Variants in ZNF680 observed in about 807,000 individuals in gnomAD.
ZNF680 encodes zinc finger protein 680.
Under a neutral mutation model 12.1 loss-of-function variants are expected in ZNF680, and 6 were observed. The observed-to-expected ratio is 0.49, with a 90% confidence interval of 0.27 to 0.98. ZNF680 has a LOEUF of 0.98. Among genes scored for constraint, ZNF680 ranks in the 50% least tolerant of loss-of-function variants. The probability of loss-of-function intolerance (pLI) is 0.12; values close to 1 mark genes in which losing one functional copy is unlikely to be tolerated. For synonymous variants in ZNF680, 170 were observed against 199.3 expected (o/e 0.85, Z 1.24); for missense variants, 561 against 616.3 (o/e 0.91, Z 0.95).
In ZNF680 at chr7:64,557,570, C is replaced by CA. The variant is rs71055243; in HGVS notation, c.30+5354dup. On this transcript the variant is annotated intron_variant, in intron 1 of 3. Coordinates refer to ENST00000309683, the MANE Select transcript of ZNF680 (RefSeq NM_178558.5). ...GGTCCGTCTCAAAAAAACAAAAAAA[C>CA]AAAAAAAAACAAAACAAAAAAAAAC... 7.4e-4 allele frequency among the ~76,000 whole-genome samples: 111 copies of CA among 150,894 alleles called. No individual in the cohort carries two copies. The East Asian group carries it at 0.02, about 27-fold the overall frequency.
downstream of ZNF680, among the ~76,000 whole-genome samples, chr7:64,516,177 T>C (rs1048823871): frequency 1.3e-5 from 2 of 152,216 alleles, no homozygotes; most frequent in African/African-American, 4.8e-5. Flanking sequence ...TTCTTTTGCT[T>C]ATTAAACTTT....
At chr7:64,544,519 A>G in intron 1 of ZNF680, 87 bp from the exon 2 acceptor site, 1 of 1,536,620 alleles carries the variant, frequency 6.5e-7, no homozygotes, top group Non-Finnish European at 8.8e-7. Flanking sequence ...TTTTGGCTCA[A>G]GGCAAAGTAA....
intron 3 of ZNF680, 39 bp from the exon 4 acceptor site, chr7:64,522,539 G>C (rs1791603485): frequency 7.5e-7 from 1 of 1,330,966 alleles, no homozygotes; most frequent in Non-Finnish European, 9.8e-7. Flanking sequence ...CCACTTCCTA[G>C]ACTCAGATGA....
Position 64,543,665 on chromosome 7 carries a change from T to G in ZNF680, c.253+42A>C, listed in dbSNP as rs1488039918. Reference sequence around the variant, plus strand: ...ACTTTCTCTTTGACATCTGGACCTCTCATCTGTGTCATCTGTTGTATTCAC... The same window carrying G: ...ACTTTCTCTTTGACATCTGGACCTCGCATCTGTGTCATCTGTTGTATTCAC... On this transcript the variant is annotated intron_variant, in intron 3 of 3. Coordinates refer to ENST00000309683, the MANE Select transcript of ZNF680 (RefSeq NM_178558.5). 3 of 1,511,258 alleles carry G rather than the reference T, an allele frequency of 2.0e-6. No individual in the cohort carries two copies. In the Admixed American group the frequency reaches 5.2e-5, roughly 26 times the overall value. The allele number at this position is 1,511,258 out of a possible 1,614,324, so 93.6% of individuals were successfully genotyped here.
Position 64,522,417 on chromosome 7 carries a change from C to T in ZNF680, c.337G>A (p.Gly113Arg). The T allele has an allele frequency of 6.2e-7, 1 of 1,610,794 alleles. No homozygotes were observed. The highest frequency in any genetic ancestry group is 8.5e-7 in the Non-Finnish European group (1 of 1,178,494). Residue 113 changes from glycine to arginine, a missense_variant, in exon 4 of 4, where the codon GGA becomes AGA. By Grantham distance (125) the Gly-to-Arg change is moderately radical. Transcript: ENST00000309683. ...TGTAAATTCTCATGTCCACATTTTC[C>T]ATATCCTCTCAGTATCACTTTTTGA... ...SFQKVILRGY[G>R]KCGHENLQLR... is the part of the protein sequence containing the mutation.
intron 3 of ZNF680, among the ~76,000 whole-genome samples, chr7:64,538,284 C>T (rs1043191678): frequency 2.0e-5 from 3 of 152,150 alleles, no homozygotes; most frequent in Non-Finnish European, 4.4e-5. Flanking sequence ...CTACACAGTA[C>T]TTCAAAATTT....
the ZNF680 span, among the ~76,000 whole-genome samples, chr7:64,506,195 T>G: frequency 2.0e-3 from 1 of 500 alleles, no homozygotes; most frequent in Admixed American, 0.024. Flanking sequence ...TCTTTTAGAT[T>G]TTTTTTTTTT....
chr7:64,506,943 T>C, the ZNF680 span, among the ~76,000 whole-genome samples: 2 of 152,224 alleles, frequency 1.3e-5, no homozygotes, highest in Non-Finnish European at 2.9e-5. Flanking sequence ...CAGTACTCAG[T>C]AGAAATTAGG....
At chr7:64,534,491 T>C (rs918753916) in intron 3 of ZNF680, among the ~76,000 whole-genome samples, 7 of 152,158 alleles carry the variant, frequency 4.6e-5, no homozygotes, top group Non-Finnish European at 1.0e-4. Context: ...AGAATGATCA[T>C]ATCAAAAAAT....
the ZNF680 span, chr7:64,501,623 T>G: frequency 1.3e-6 from 1 of 780,002 alleles, no homozygotes; most frequent in Non-Finnish European, 2.3e-6. Context: ...TGGATGATGA[T>G]GATAATGAAG....
chr7:64,525,950 A>C, intron 3 of ZNF680: 1 of 985,220 alleles, frequency 1.0e-6, no homozygotes, highest in Non-Finnish European at 1.2e-6. Flanking sequence ...GGTAGTAGAC[A>C]TATGGCTGAT....
intron 1 of ZNF680, among the ~76,000 whole-genome samples, chr7:64,558,957 G>A (rs773727516): frequency 1.3e-5 from 2 of 151,988 alleles, no homozygotes; most frequent in African/African-American, 4.8e-5. Context: ...AAAAAAGGCC[G>A]GGTGGGGGAA....
At chr7:64,526,146 C>T in intron 3 of ZNF680, 1 of 916,542 alleles carries the variant, frequency 1.1e-6, no homozygotes. Context: ...ACTTATTGGA[C>T]ACCATCAAGT....
downstream of ZNF680, among the ~76,000 whole-genome samples, chr7:64,515,401 C>CA (rs1791330804): frequency 6.6e-6 from 1 of 151,784 alleles, no homozygotes; most frequent in South Asian, 2.1e-4. Flanking sequence ...AAAAGCAGTC[C>CA]AAAAAAATCC....
chr7:64,546,989 G>A (rs554233605), intron 1 of ZNF680, among the ~76,000 whole-genome samples: 7 of 151,574 alleles, frequency 4.6e-5, no homozygotes, highest in East Asian at 3.9e-4. Flanking sequence ...AAAACAATAC[G>A]GATGCTTCCA....
At chr7:64,527,613 T>C (rs1293695153) in intron 3 of ZNF680, among the ~76,000 whole-genome samples, 1 of 151,690 alleles carries the variant, frequency 6.6e-6, no homozygotes, top group African/African-American at 2.4e-5. Flanking sequence ...GAGAATCACT[T>C]GAACCCGGGA....
chr7:64,499,214 C>T, the ZNF680 span, among the ~76,000 whole-genome samples: 1 of 152,056 alleles, frequency 6.6e-6, no homozygotes, highest in Non-Finnish European at 1.5e-5. Flanking sequence ...ATTTACTGTA[C>T]TATATTCAGA....
At chr7:64,501,665 A>G in the ZNF680 span, 44 of 1,014,876 alleles carry the variant, frequency 4.3e-5, no homozygotes, top group Non-Finnish European at 6.7e-5. Context: ...TTGACCAAGG[A>G]TGAAAAAGAG....
intron 1 of ZNF680, among the ~76,000 whole-genome samples, chr7:64,552,724 C>CT (rs1253372604): frequency 6.6e-6 from 1 of 152,176 alleles, no homozygotes; most frequent in Non-Finnish European, 1.5e-5. Flanking sequence ...AGTTAAAACA[C>CT]TTTATATTTA....
Sources: gnomAD v4.1 joint callset for allele counts (sites outside exome capture counted in the v4.1 genomes callset) on GRCh38, gnomAD v4.1.1 for gene constraint, MANE v1.5 for transcripts, NCBI Gene and HGNC (gene_info 2026-07-23, HGNC 2026-07-21) for gene names.